SLC16A2: variants seen among roughly 807,000 people sequenced by gnomAD.
SLC16A2 encodes the protein solute carrier family 16 member 2.
Under a neutral mutation model 27.2 loss-of-function variants are expected in SLC16A2, and 3 were observed. The ratio of observed to expected loss-of-function variants is 0.11; its 90% CI spans 0.05 to 0.28. The LOEUF (loss-of-function observed/expected upper bound fraction) is 0.28, where lower values mean the gene tolerates loss of function less well. Among genes scored for constraint, SLC16A2 ranks in the 10% least tolerant of loss-of-function variants. The pLI is 1.00. For synonymous variants in SLC16A2, 202 were observed against 187.8 expected (o/e 1.08, Z -0.62); for missense variants, 295 against 458.5 (o/e 0.64, Z 3.26).
intron 1 of SLC16A2, among the ~76,000 whole-genome samples, chrX:74,471,811 T>C (rs1929362494): frequency 8.9e-6 from 1 of 111,859 alleles, no homozygotes; most frequent in Non-Finnish European, 1.9e-5. Flanking sequence ...TTTTCTCTTC[T>C]TCTCAGTCCT....
intron 1 of SLC16A2, among the ~76,000 whole-genome samples, chrX:74,433,925 A>T (rs1387177123): frequency 1.8e-5 from 2 of 112,256 alleles, no homozygotes; most frequent in African/African-American, 6.5e-5. Context: ...AAGTATAATA[A>T]TACCATCTGT....
chrX:74,515,871 G>T (rs1427057588), intron 1 of SLC16A2, among the ~76,000 whole-genome samples: 1 of 111,541 alleles, frequency 9.0e-6, no homozygotes, highest in Non-Finnish European at 1.9e-5. Flanking sequence ...AAAACTAAGA[G>T]AATTTGTCCC....
intron 1 of SLC16A2, among the ~76,000 whole-genome samples, chrX:74,484,592 C>T (rs1325993139): frequency 8.9e-6 from 1 of 112,133 alleles, no homozygotes; most frequent in African/African-American, 3.2e-5. Context: ...CATTTCCCAT[C>T]ATGGCCTGAA....
At chrX:74,486,113 C>T (rs962654479) in intron 1 of SLC16A2, among the ~76,000 whole-genome samples, 2 of 111,647 alleles carry the variant, frequency 1.8e-5, no homozygotes, top group Non-Finnish European at 3.8e-5. Context: ...TTGACTATTT[C>T]TTTACCTCCT....
intron 1 of SLC16A2, among the ~76,000 whole-genome samples, chrX:74,448,598 G>A (rs1238458669): frequency 1.8e-5 from 2 of 111,000 alleles, no homozygotes; most frequent in Admixed American, 1.9e-4. Flanking sequence ...AACTTACTAG[G>A]CAGGTATACA....
chrX:74,474,100 C>G (rs1431842330), intron 1 of SLC16A2: 1 of 124,698 alleles, frequency 8.0e-6, no homozygotes, highest in Non-Finnish European at 1.6e-5. Flanking sequence ...TCAATTTCTG[C>G]AAAGAAAATG....
intron 1 of SLC16A2, among the ~76,000 whole-genome samples, chrX:74,476,121 T>C (rs1929471727): frequency 8.9e-6 from 1 of 111,819 alleles, no homozygotes; most frequent in South Asian, 3.8e-4. Context: ...GAGCATGGAA[T>C]GTTCTTCCAT....
rs1929524257 is a variant in SLC16A2 at position 74,478,073 on chromosome X, G to T, written c.431-42917G>T. Among the ~76,000 whole-genome samples the T allele has an allele frequency of 3.6e-5, 4 of 111,477 alleles. No individual in the cohort carries two copies. The South Asian group carries it at 1.5e-3, about 42-fold the overall frequency. On this transcript the variant is annotated intron_variant, in intron 1 of 5. Transcript: ENST00000587091. ...CTTTCTGTCTCATTGATCTATCTAA[G>T]GTTGACAGTGGGGTGTTAAAGTCTC...
chrX:74,511,194 T>A (rs1486544608), intron 1 of SLC16A2, among the ~76,000 whole-genome samples: 5 of 111,334 alleles, frequency 4.5e-5, no homozygotes, highest in African/African-American at 1.3e-4. Context: ...TATTTTATTT[T>A]TTTTTGAGAC....
At chrX:74,452,984 T>C (rs1387650444) in intron 1 of SLC16A2, among the ~76,000 whole-genome samples, 1 of 110,591 alleles carries the variant, frequency 9.0e-6, no homozygotes, top group Non-Finnish European at 1.9e-5. Flanking sequence ...AACTCCTAGG[T>C]ATCTCTCACA....
chrX:74,428,135 A>G (rs1244396914), intron 1 of SLC16A2, among the ~76,000 whole-genome samples: 1 of 110,988 alleles, frequency 9.0e-6, no homozygotes, highest in Admixed American at 9.5e-5. Context: ...GTATTCAAAT[A>G]TTACTGGGAA....
At chrX:74,442,143 G>T (rs1355565304) in intron 1 of SLC16A2, among the ~76,000 whole-genome samples, 1 of 104,753 alleles carries the variant, frequency 9.5e-6, no homozygotes, top group African/African-American at 3.5e-5. Flanking sequence ...CAGGAGAATC[G>T]CTTGAACCCA....
intron 1 of SLC16A2, among the ~76,000 whole-genome samples, chrX:74,480,026 T>C (rs1440405222): frequency 8.9e-6 from 1 of 112,268 alleles, no homozygotes; most frequent in Non-Finnish European, 1.9e-5. Flanking sequence ...GATAGGGACA[T>C]TTAAGTCTGC....
rs1569280921 is a variant in SLC16A2, at chrX:74,421,549, C to T, written c.-89C>T. On this transcript the variant is annotated 5_prime_UTR_variant, in exon 1 of 6. Transcript: ENST00000587091. ...GGCAGCGGCAGCGGCAGCAGCAGCCCTCCGAGCAGCAGCAGCTGCAGCAGC... is the reference window on the plus strand; with the variant it reads ...GGCAGCGGCAGCGGCAGCAGCAGCCTTCCGAGCAGCAGCAGCTGCAGCAGC... 9.0e-7 allele frequency: 1 copy of T among 1,114,059 alleles called. No homozygotes were observed. The highest frequency in any genetic ancestry group is 2.4e-5 in the Admixed American group (1 of 41,392). 91.8% of individuals were successfully genotyped at this position (1,114,059 alleles called of 1,213,427 possible).
intron 1 of SLC16A2, among the ~76,000 whole-genome samples, chrX:74,494,045 C>T (rs1929887909): frequency 8.9e-6 from 1 of 111,931 alleles, no homozygotes; most frequent in African/African-American, 3.2e-5. Flanking sequence ...CTGCCACAGG[C>T]TGAGAGGAGC....
At chrX:74,489,148 G>A (rs377462475) in intron 1 of SLC16A2, among the ~76,000 whole-genome samples, 64 of 111,768 alleles carry the variant, frequency 5.7e-4, no homozygotes, top group Middle Eastern at 9.4e-3. Flanking sequence ...TTTGATAGCC[G>A]TGAATTTCAG....
At chrX:74,490,162 A>G (rs1929799192) in intron 1 of SLC16A2, among the ~76,000 whole-genome samples, 1 of 110,998 alleles carries the variant, frequency 9.0e-6, no homozygotes, top group Non-Finnish European at 1.9e-5. Flanking sequence ...AAGAAAATAG[A>G]GAAAAAGAGA....
At chrX:74,496,609 T>A (rs5937829) in intron 1 of SLC16A2, among the ~76,000 whole-genome samples, 58,333 of 110,981 alleles carry the variant, frequency 0.53, 13,386 homozygotes, top group Non-Finnish European at 0.73. Flanking sequence ...TCAAGAACCA[T>A]CCTGTGCTGC....
chrX:74,489,983 A>ACACACACG (rs1929794654), intron 1 of SLC16A2, among the ~76,000 whole-genome samples: 1 of 106,481 alleles, frequency 9.4e-6, no homozygotes, highest in Non-Finnish European at 1.9e-5. Context: ...ACACACACAC[A>ACACACACG]CACACACACA....
Sources: allele counts gnomAD v4.1 joint callset (sites outside exome capture counted in the v4.1 genomes callset), GRCh38; gene constraint gnomAD v4.1.1; transcripts MANE v1.5; gene names NCBI Gene and HGNC (gene_info 2026-07-23, HGNC 2026-07-21).